The following PDE11A variants were observed in gnomAD, a reference collection of about 807,000 sequenced individuals.
The protein encoded by PDE11A is phosphodiesterase 11A.
Under a neutral mutation model 100.5 loss-of-function variants are expected in PDE11A, and 100 were observed. That is an observed-to-expected ratio of 1.00 (90% confidence interval 0.85 to 1.18). The LOEUF (loss-of-function observed/expected upper bound fraction) is 1.18. PDE11A is among the 50% of genes most tolerant of loss of function. The pLI, the probability that PDE11A is intolerant of heterozygous loss-of-function variation, is 0.00. For synonymous variants in PDE11A, 381 were observed against 420.8 expected (o/e 0.91, Z 1.16); for missense variants, 1,141 against 1,152.6 (o/e 0.99, Z 0.15).
intron 10 of PDE11A, among the ~76,000 whole-genome samples, chr2:177,747,579 C>T (rs2081967008): frequency 6.6e-6 from 1 of 152,214 alleles, no homozygotes; most frequent in Admixed American, 6.5e-5. Flanking sequence ...GTCTCTTGGG[C>T]TAGTTTAAAA....
At chr2:177,684,753 G>C (rs887701300) in intron 15 of PDE11A, among the ~76,000 whole-genome samples, 1 of 152,230 alleles carries the variant, frequency 6.6e-6, no homozygotes, top group Non-Finnish European at 1.5e-5. Flanking sequence ...GGCAAAATTA[G>C]GTTATCAGTA....
chr2:177,951,798 C>T (rs2085508299), intron 2 of PDE11A, among the ~76,000 whole-genome samples: 1 of 152,118 alleles, frequency 6.6e-6, no homozygotes, highest in African/African-American at 2.4e-5. Flanking sequence ...TTATCTTCAT[C>T]GTACTTGGCA....
At chr2:177,953,289 TAAAA>T (rs2085525166) in intron 2 of PDE11A, 2 of 152,084 alleles carry the variant, frequency 1.3e-5, no homozygotes, top group Admixed American at 1.3e-4. Context: ...TTCCTACAAT[TAAAA>T]AAGCCAATGT....
At chr2:178,074,484 A>C (rs1403054045), upstream of PDE11A, among the ~76,000 whole-genome samples, 1 of 152,168 alleles carries the variant, frequency 6.6e-6, no homozygotes, top group Non-Finnish European at 1.5e-5. Context: ...CTGAGTAGAG[A>C]TCTGATGAAA....
At chr2:177,858,824 T>C (rs1351918675) in intron 5 of PDE11A, among the ~76,000 whole-genome samples, 6 of 152,066 alleles carry the variant, frequency 3.9e-5, no homozygotes, top group Non-Finnish European at 8.8e-5. Context: ...CTATTCACAA[T>C]AGCAAAGACT....
intron 2 of PDE11A, among the ~76,000 whole-genome samples, chr2:177,921,398 A>G (rs1251333985): frequency 6.6e-6 from 1 of 151,642 alleles, no homozygotes; most frequent in Non-Finnish European, 1.5e-5. Flanking sequence ...TATTTGCACT[A>G]CTAGTACTGG....
intron 19 of PDE11A, among the ~76,000 whole-genome samples, chr2:177,641,426 CAAAAAA>C (rs3056858): frequency 1.5e-5 from 2 of 136,064 alleles, no homozygotes; most frequent in African/African-American, 5.5e-5. Flanking sequence ...TTTACTGAGT[CAAAAAA>C]AAAAAAAAAG....
intron 2 of PDE11A, among the ~76,000 whole-genome samples, chr2:177,935,705 T>C (rs1335787131): frequency 5.3e-5 from 8 of 152,158 alleles, no homozygotes; most frequent in Non-Finnish European, 2.9e-5. Context: ...CTCAGGGGCA[T>C]GCCATGGAAG....
chr2:177,888,187 TA>T (rs2084472247), intron 4 of PDE11A, among the ~76,000 whole-genome samples: 1 of 152,180 alleles, frequency 6.6e-6, no homozygotes, highest in African/African-American at 2.4e-5. Context: ...AGGTCAAGAA[TA>T]AGCAAGCCAG....
intron 4 of PDE11A, among the ~76,000 whole-genome samples, chr2:177,885,201 A>AGTGTGTGAGT (rs2084409665): frequency 6.7e-6 from 1 of 149,304 alleles, no homozygotes; most frequent in Non-Finnish European, 1.5e-5. Flanking sequence ...TAATGATGTG[A>AGTGTGTGAGT]GTGTGTGTGT....
intron 10 of PDE11A, among the ~76,000 whole-genome samples, chr2:177,763,852 G>C (rs1438046): frequency 0.086 from 13,035 of 152,140 alleles, 1,878 homozygotes; most frequent in African/African-American, 0.29. Context: ...TTGGAGAAAG[G>C]AGCGCCACCT....
At chr2:177,917,958 C>T (rs2084978855) in intron 2 of PDE11A, among the ~76,000 whole-genome samples, 1 of 152,002 alleles carries the variant, frequency 6.6e-6, no homozygotes, top group African/African-American at 2.4e-5. Flanking sequence ...TAATAGTACC[C>T]TAAAATGAAT....
At chr2:177,898,564 A>G (rs1348796967) in intron 3 of PDE11A, among the ~76,000 whole-genome samples, 1 of 152,180 alleles carries the variant, frequency 6.6e-6, no homozygotes, top group African/African-American at 2.4e-5. Flanking sequence ...ACTATAGATT[A>G]GCCTTCTTCC....
At chr2:177,656,233 A>G (rs558359964) in intron 19 of PDE11A, among the ~76,000 whole-genome samples, 1 of 152,344 alleles carries the variant, frequency 6.6e-6, no homozygotes, top group East Asian at 1.9e-4. Context: ...AGATTATAAT[A>G]TCATATTTCT....
At chr2:177,733,221 G>C (rs1235502426) in intron 10 of PDE11A, among the ~76,000 whole-genome samples, 3 of 152,286 alleles carry the variant, frequency 2.0e-5, no homozygotes, top group Non-Finnish European at 2.9e-5. Context: ...AATCAAAGAG[G>C]AGTGCCACAA....
intron 10 of PDE11A, among the ~76,000 whole-genome samples, chr2:177,731,437 C>A (rs1574087540): frequency 6.6e-6 from 1 of 152,160 alleles, no homozygotes. Context: ...TACTCAGAAT[C>A]CCCAGAGAAG....
intron 19 of PDE11A, among the ~76,000 whole-genome samples, chr2:177,631,330 G>C (rs2079920835): frequency 7.4e-6 from 1 of 134,734 alleles, no homozygotes; most frequent in African/African-American, 3.3e-5. Flanking sequence ...AAACAACCTA[G>C]GCGTGGTGGC....
chr2:177,794,506 C>T (rs10182353), intron 9 of PDE11A, among the ~76,000 whole-genome samples: 50,541 of 151,906 alleles, frequency 0.33, 8,774 homozygotes, highest in African/African-American at 0.39. Context: ...CAGAGGCAGG[C>T]TCATCGAATT....
intron 10 of PDE11A, 105 bp downstream of exon 10, chr2:177,769,218 G>A (rs2105501364): frequency 1.3e-6 from 1 of 784,410 alleles, no homozygotes; most frequent in Non-Finnish European, 2.3e-6. Context: ...TAGTCCTCCA[G>A]CTCCCAATGG....
Sources: allele counts gnomAD v4.1 joint callset (sites outside exome capture counted in the v4.1 genomes callset), GRCh38; gene constraint gnomAD v4.1.1; transcripts MANE v1.5; gene names NCBI Gene and HGNC (gene_info 2026-07-23, HGNC 2026-07-21).